Variants in FAM53A observed in about 807,000 individuals in gnomAD.
FAM53A encodes protein FAM53A.
Under a neutral mutation model 26.6 loss-of-function variants are expected in FAM53A, and 28 were observed. The ratio of observed to expected loss-of-function variants is 1.05; its 90% confidence interval spans 0.78 to 1.45. FAM53A has a LOEUF of 1.45. FAM53A is among the 40% of genes most tolerant of loss of function. The pLI, the probability that FAM53A is intolerant of heterozygous loss-of-function variation, is 0.00. For synonymous variants in FAM53A, 290 were observed against 253.1 expected (o/e 1.15, Z -1.38); for missense variants, 650 against 575.8 (o/e 1.13, Z -1.32).
chr4:1,626,038 G>A lies in FAM53A; in HGVS notation c.432-7927C>T, dbSNP rs149705146. The stretch of plus-strand genomic sequence containing the variant: ...CGGCCCAGCATGTTTTTCCTGCCCC[G>A]ACTCGGTGTGGCTGCCTGCCAGGGT... On this transcript the variant is annotated intron_variant, in intron 1 of 1. Transcript: ENST00000489029. Among the ~76,000 whole-genome samples, 62 of 152,280 alleles carry A rather than the reference G, an allele frequency of 4.1e-4. No homozygotes were observed. In the East Asian group the frequency reaches 9.3e-3, roughly 23 times the overall value.
At chr4:1,638,098 T>C (rs546344691), downstream of FAM53A, among the ~76,000 whole-genome samples, 2 of 151,646 alleles carry the variant, frequency 1.3e-5, no homozygotes, top group African/African-American at 4.8e-5. Flanking sequence ...GGGCCAAGCA[T>C]CCACACGAGG....
At chr4:1,676,476 T>C (rs1715051668) in intron 1 of FAM53A, among the ~76,000 whole-genome samples, 1 of 152,198 alleles carries the variant, frequency 6.6e-6, no homozygotes, top group South Asian at 2.1e-4. Flanking sequence ...ATGTGACTGT[T>C]GGGGCCGGAC....
chr4:1,664,934 C>T (rs1714116686), intron 2 of FAM53A, among the ~76,000 whole-genome samples: 1 of 152,106 alleles, frequency 6.6e-6, no homozygotes, highest in Admixed American at 6.6e-5. Flanking sequence ...GCCAGGATCG[C>T]ACCACTGCAT....
chr4:1,626,513 C>A lies in FAM53A; in HGVS notation c.432-8402G>T, dbSNP rs142500028. 3.3e-3 allele frequency among the ~76,000 whole-genome samples: 499 copies of A among 150,772 alleles called. 4 individuals are homozygous for A. Among genetic ancestry groups the A allele is most frequent in the African/African-American group, 0.011 (471 of 40,958 alleles). ...AGCCCGGGGGGACCAGGGGAGGACC[C>A]GGGACAGTGTAGACTCTCAGCCACA... On this transcript the variant is annotated intron_variant, in intron 1 of 1. Coordinates refer to the FAM53A transcript ENST00000489029.
At chr4:1,605,426 C>G in the FAM53A span, among the ~76,000 whole-genome samples, 1 of 152,164 alleles carries the variant, frequency 6.6e-6, no homozygotes, top group Non-Finnish European at 1.5e-5. The surrounding 1 kb of genome is among the most constrained non-coding windows in gnomAD (Gnocchi z 5.7). Flanking sequence ...CCGCCCCCAC[C>G]AAAGGACCCT....
rs74493175 is a variant in FAM53A at position 1,630,456 on chromosome 4, G to C, written c.432-12345C>G. On this transcript the variant is annotated intron_variant, in intron 1 of 1. Transcript: ENST00000489029. The surrounding 1 kb of genome is among the most constrained non-coding windows in gnomAD (Gnocchi z 4.3). ...CGTCTGTATGTGGCCAGTGGGCCGC[G>C]GTTTGCCGACCCCCAACTCATGGAT... Among the ~76,000 whole-genome samples, 9 of 152,338 alleles carry C rather than the reference G, an allele frequency of 5.9e-5. No individual in the cohort carries two copies. The highest frequency in any genetic ancestry group is 2.2e-4 in the African/African-American group (9 of 41,576).
intron 4 of FAM53A, among the ~76,000 whole-genome samples, chr4:1,646,785 C>T (rs1329880306): frequency 6.6e-6 from 1 of 152,194 alleles, no homozygotes; most frequent in Non-Finnish European, 1.5e-5. Flanking sequence ...ACTCCTCAGG[C>T]TCTGGGTGAC....
chr4:1,653,203 C>T (rs1226677242), intron 4 of FAM53A, among the ~76,000 whole-genome samples: 15 of 152,128 alleles, frequency 9.9e-5, no homozygotes, highest in Admixed American at 9.8e-4. Flanking sequence ...ATCTCCCCAA[C>T]ACACCACACA....
At chr4:1,649,812 T>A (rs562515968) in intron 4 of FAM53A, among the ~76,000 whole-genome samples, 66 of 150,078 alleles carry the variant, frequency 4.4e-4, no homozygotes, top group Non-Finnish European at 7.2e-4. Flanking sequence ...CTGAGGTGGC[T>A]CAGGCATGGT....
chr4:1,578,590 C>T, the FAM53A span, among the ~76,000 whole-genome samples: 1 of 151,226 alleles, frequency 6.6e-6, no homozygotes, highest in Admixed American at 6.6e-5. Context: ...CGCGACAGAC[C>T]CACTAGACTC....
the FAM53A span, among the ~76,000 whole-genome samples, chr4:1,598,574 G>T: frequency 6.6e-6 from 1 of 152,212 alleles, no homozygotes; most frequent in Non-Finnish European, 1.5e-5. Context: ...TAAGCGTGAA[G>T]AATTGCTGTC....
chr4:1,594,057 G>A, the FAM53A span, among the ~76,000 whole-genome samples: 4 of 151,880 alleles, frequency 2.6e-5, no homozygotes, highest in South Asian at 2.1e-4. Context: ...GGTGAGCAGA[G>A]ACCGCTGCAG....
chr4:1,683,942 C>T (rs536518485), intron 1 of FAM53A: 5 of 152,362 alleles, frequency 3.3e-5, no homozygotes, highest in African/African-American at 1.2e-4. Flanking sequence ...TCGGGACGCC[C>T]CAAGGCCCCG....
At chr4:1,642,108 T>TGG (rs1711768913) in intron 4 of FAM53A, among the ~76,000 whole-genome samples, 1 of 152,134 alleles carries the variant, frequency 6.6e-6, no homozygotes. Context: ...CTCCTCCACC[T>TGG]GCCCCCATAA....
chr4:1,662,256 G>A (rs984127611), intron 2 of FAM53A, among the ~76,000 whole-genome samples: 7 of 151,942 alleles, frequency 4.6e-5, no homozygotes, highest in Non-Finnish European at 7.4e-5. Context: ...CAAGGCAGGC[G>A]GATCACAAAG....
In FAM53A at chr4:1,655,040, G is replaced by A. The variant is rs146433325; in HGVS notation, c.820C>T (p.Arg274Trp). Residue 274 changes from arginine (R) to tryptophan (W), a missense_variant, in exon 4 of 5, where the codon CGG becomes TGG. Coordinates refer to ENST00000308132, the MANE Select transcript of FAM53A (RefSeq NM_001174070.3). ...CACCTGGCGTCCTCCTCACGCCTCC[G>A]TTTGCGCCGGCTCCTCTTCCCACTG... is the stretch of plus-strand genomic sequence containing the variant. ...VLSGKRSRRK[R>W]RREEDARWTR... 3.3e-4 allele frequency: 524 copies of A among 1,582,840 alleles called. 4 individuals carry two copies. Among genetic ancestry groups the A allele is most frequent in the Non-Finnish European group, 5.7e-5 (66 of 1,164,294 alleles).
chr4:1,611,460 A>G, the FAM53A span, among the ~76,000 whole-genome samples: 1 of 152,210 alleles, frequency 6.6e-6, no homozygotes, highest in East Asian at 1.9e-4. Flanking sequence ...GTCCCAGGGC[A>G]GGGAACTGAG....
rs925282050 is a variant in FAM53A, at chr4:1,659,514, G to T, written c.76-2046C>A. ...GGCAGCTTGAAGGAGCCACAGGCCC[G>T]CACGGTCCCAAATGTGACCACCTCT... is the stretch of plus-strand genomic sequence containing the variant. On this transcript the variant is annotated intron_variant, in intron 2 of 4. Coordinates refer to ENST00000308132, the MANE Select transcript of FAM53A (RefSeq NM_001174070.3). The surrounding 1 kb of genome is among the most constrained non-coding windows in gnomAD (Gnocchi z 5.2). Among the ~76,000 whole-genome samples, 1 of 152,180 alleles carries T rather than the reference G, an allele frequency of 6.6e-6. No individual in the cohort carries two copies. Among genetic ancestry groups the T allele is most frequent in the African/African-American group, 2.4e-5 (1 of 41,436 alleles).
chr4:1,655,329 G>C lies in FAM53A; in HGVS notation c.531C>G (p.Thr177=). The C allele has an allele frequency of 7.0e-7, 1 of 1,420,682 alleles. No individual in the cohort carries two copies. Among genetic ancestry groups the C allele is most frequent in the Non-Finnish European group, 9.2e-7 (1 of 1,092,692 alleles). The allele number at this position is 1,420,682 out of a possible 1,614,324, so 88.0% of individuals were successfully genotyped here. The change falls in exon 4 of 5, where the codon ACC becomes ACG. Residue 177 remains threonine, a synonymous_variant. Transcript: ENST00000308132. The stretch of plus-strand genomic sequence containing the variant: ...GGGGCGTGGCGGGCGAGGTGGGACC[G>C]GTCGACCACACAGCACTCCTCGGCA... The part of the protein sequence containing the change: ...AVLPRSAVWS[T]GPTSPATPRP...
Sources: allele counts gnomAD v4.1 joint callset (sites outside exome capture counted in the v4.1 genomes callset), GRCh38; gene constraint gnomAD v4.1.1; non-coding constraint Gnocchi (gnomAD v3.1); transcripts MANE v1.5; gene names NCBI Gene and HGNC (gene_info 2026-07-23, HGNC 2026-07-21).